DGKG: variants seen among roughly 807,000 people sequenced by gnomAD.
DGKG encodes the protein DAG kinase gamma.
In DGKG, 78 loss-of-function variants were observed where a neutral mutation model predicts 105.3. The ratio of observed to expected loss-of-function variants is 0.74; its 90% confidence interval spans 0.62 to 0.89. The LOEUF is 0.89. Among genes scored for constraint, DGKG ranks in the 40% least tolerant of loss-of-function variants. DGKG has a pLI of 0.00. For missense variants in DGKG, 958 were observed against 1,020.1 expected (o/e 0.94, Z 0.83); for synonymous variants, 346 against 367.1 (o/e 0.94, Z 0.66).
intron 2 of DGKG, among the ~76,000 whole-genome samples, chr3:186,315,616 A>C (rs1240575626): frequency 6.6e-6 from 1 of 152,124 alleles, no homozygotes; most frequent in Non-Finnish European, 1.5e-5. Flanking sequence ...ATACAGCCTA[A>C]GATTGCAATG....
chr3:186,335,869 G>A (rs34919709), intron 1 of DGKG, among the ~76,000 whole-genome samples: 48,900 of 151,914 alleles, frequency 0.32, 8,824 homozygotes, highest in Non-Finnish European at 0.41. Context: ...GCAAAAAATC[G>A]AAACGATTTA....
intron 22 of DGKG, among the ~76,000 whole-genome samples, chr3:186,166,323 C>T (rs1578611688): frequency 6.6e-6 from 1 of 152,198 alleles, no homozygotes. Context: ...ATAGCTTTCC[C>T]CCTCTACATC....
chr3:186,221,021 G>T (rs1719548062), intron 20 of DGKG, among the ~76,000 whole-genome samples: 1 of 152,204 alleles, frequency 6.6e-6, no homozygotes. Context: ...ACACACGTGT[G>T]CACGTGCGGG....
chr3:186,213,769 T>C (rs1719148656), intron 20 of DGKG, among the ~76,000 whole-genome samples: 1 of 152,164 alleles, frequency 6.6e-6, no homozygotes, highest in South Asian at 2.1e-4. Flanking sequence ...GTCCAAGTGA[T>C]CATTATGCAG....
intron 20 of DGKG, among the ~76,000 whole-genome samples, chr3:186,217,815 T>C (rs898614168): frequency 6.6e-6 from 1 of 152,234 alleles, no homozygotes; most frequent in African/African-American, 2.4e-5. Flanking sequence ...TTTAAGGGCA[T>C]TGGGCTTTTG....
intron 11 of DGKG, among the ~76,000 whole-genome samples, chr3:186,270,166 C>T (rs1256790331): frequency 6.6e-6 from 1 of 152,128 alleles, no homozygotes; most frequent in Non-Finnish European, 1.5e-5. Flanking sequence ...CACTCTGTCG[C>T]CCAGGCTGGA....
intron 21 of DGKG, among the ~76,000 whole-genome samples, chr3:186,195,840 C>A (rs1718152738): frequency 6.6e-6 from 1 of 152,112 alleles, no homozygotes; most frequent in Non-Finnish European, 1.5e-5. Context: ...TTAGGGTTGG[C>A]TTTTTGGCAA....
intron 24 of DGKG, among the ~76,000 whole-genome samples, chr3:186,153,366 G>T (rs1051517970): frequency 1.3e-5 from 2 of 152,138 alleles, no homozygotes; most frequent in South Asian, 4.1e-4. Context: ...GTCATCCCAC[G>T]TTTCTGTAGT....
At chr3:186,165,717 C>G (rs943538762) in intron 22 of DGKG, among the ~76,000 whole-genome samples, 2 of 152,260 alleles carry the variant, frequency 1.3e-5, no homozygotes, top group Non-Finnish European at 2.9e-5. Context: ...ATTTGCTTCT[C>G]ATTCACAACC....
chr3:186,324,608 C>T (rs577326315), intron 1 of DGKG, among the ~76,000 whole-genome samples: 1 of 151,048 alleles, frequency 6.6e-6, no homozygotes, highest in Non-Finnish European at 1.5e-5. Flanking sequence ...AAGTGGCCAA[C>T]AAACATGAAA....
At chr3:186,204,234 C>G (rs140672782) in intron 21 of DGKG, among the ~76,000 whole-genome samples, 10 of 152,126 alleles carry the variant, frequency 6.6e-5, no homozygotes, top group African/African-American at 2.2e-4. Flanking sequence ...CATGGTGAAA[C>G]CCCATCTCTA....
chr3:186,149,858 A>G lies in DGKG; in HGVS notation c.*232T>C, dbSNP rs920802585. ...CCACAACCTCATGGGCCCTAAGTCCATTCAAAATGTTTTGTTGGCACTGGC... is the reference window on the plus strand; with the variant it reads ...CCACAACCTCATGGGCCCTAAGTCCGTTCAAAATGTTTTGTTGGCACTGGC... On this transcript the variant is annotated 3_prime_UTR_variant, in exon 25 of 25. Transcript: ENST00000265022. 1 of 1,300,476 alleles carries G rather than the reference A, an allele frequency of 7.7e-7. No homozygotes were observed. The highest frequency in any genetic ancestry group is 1.5e-5 in the African/African-American group (1 of 65,018). 80.6% of individuals were successfully genotyped at this position (1,300,476 alleles called of 1,614,324 possible).
chr3:186,166,100 G>T (rs752694783), intron 22 of DGKG, among the ~76,000 whole-genome samples: 70 of 152,194 alleles, frequency 4.6e-4, no homozygotes, highest in Non-Finnish European at 7.3e-4. Flanking sequence ...ATTTGAGTTT[G>T]TCTTTACTCT....
intron 20 of DGKG, among the ~76,000 whole-genome samples, chr3:186,217,292 C>T (rs1719343068): frequency 6.6e-6 from 1 of 152,162 alleles, no homozygotes; most frequent in Admixed American, 6.5e-5. Context: ...CTCTTACAAT[C>T]ACCTTTCAGC....
intron 20 of DGKG, among the ~76,000 whole-genome samples, chr3:186,214,082 G>A (rs1258397180): frequency 6.6e-6 from 1 of 152,168 alleles, no homozygotes; most frequent in African/African-American, 2.4e-5. Context: ...ATTGCCAGGA[G>A]ATTTAGAGTT....
In DGKG at chr3:186,338,288, G is replaced by T. The variant is rs146467144; in HGVS notation, c.-248-17581C>A. On this transcript the variant is annotated intron_variant, in intron 1 of 24. Coordinates refer to ENST00000265022, the MANE Select transcript of DGKG (RefSeq NM_001346.3). Reference sequence around the variant, plus strand: ...GAGAAACCTATAGGCATTTGTAGCAGGACAATAGGGAAATCTAAATAAATG... The same window carrying T: ...GAGAAACCTATAGGCATTTGTAGCATGACAATAGGGAAATCTAAATAAATG... Among the ~76,000 whole-genome samples, 11 of 152,092 alleles carry T rather than the reference G, an allele frequency of 7.2e-5. No individual in the cohort carries two copies. The East Asian group carries it at 1.9e-3, about 27-fold the overall frequency.
intron 24 of DGKG, among the ~76,000 whole-genome samples, chr3:186,156,657 A>C (rs532396219): frequency 8.6e-5 from 13 of 151,692 alleles, no homozygotes; most frequent in Non-Finnish European, 1.5e-4. Flanking sequence ...TTCTGTGTTC[A>C]AATCCTTTTT....
Position 186,344,039 on chromosome 3 carries a change from C to T in DGKG, c.-249+17907G>A, listed in dbSNP as rs555533503. Among the ~76,000 whole-genome samples, 5 of 152,272 alleles carry T rather than the reference C, an allele frequency of 3.3e-5. No homozygotes were observed. The East Asian group carries it at 9.6e-4, about 29-fold the overall frequency. ...TCAAAACCACAATGAGATGCCATCT[C>T]ACACCAGTCAGAATGGTTATTATTA... On this transcript the variant is annotated intron_variant, in intron 1 of 24. Coordinates refer to ENST00000265022, the MANE Select transcript of DGKG (RefSeq NM_001346.3).
chr3:186,225,647 G>A (rs186463656), intron 20 of DGKG, among the ~76,000 whole-genome samples: 6 of 152,038 alleles, frequency 3.9e-5, no homozygotes, highest in African/African-American at 1.4e-4. Flanking sequence ...CTGAGAACTG[G>A]CTGCTCCCTT....
Sources: allele counts gnomAD v4.1 joint callset (sites outside exome capture counted in the v4.1 genomes callset), GRCh38; gene constraint gnomAD v4.1.1; transcripts MANE v1.5; gene names NCBI Gene and HGNC (gene_info 2026-07-23, HGNC 2026-07-21).